SRRM3: variants seen among roughly 807,000 people sequenced by gnomAD.
SRRM3 encodes the protein serine/arginine repetitive matrix protein 3.
In SRRM3, 27 loss-of-function variants were observed where a neutral mutation model predicts 66.2. That is an observed-to-expected ratio of 0.41 (90% confidence interval 0.30 to 0.56). The LOEUF (loss-of-function observed/expected upper bound fraction) is 0.56. Among genes scored for constraint, SRRM3 ranks in the 20% least tolerant of loss-of-function variants. The probability of loss-of-function intolerance (pLI) is 0.32; values close to 1 mark genes in which losing one functional copy is unlikely to be tolerated. For missense variants in SRRM3, 918 were observed against 991.9 expected, an observed-to-expected ratio of 0.93 and a Z score of 1.00; for synonymous variants, 391 against 414.9, an observed-to-expected ratio of 0.94 and a Z score of 0.70.
chr7:76,229,979 TG>T (rs1800973873), intron 1 of SRRM3, among the ~76,000 whole-genome samples: 1 of 152,008 alleles, frequency 6.6e-6, no homozygotes, highest in South Asian at 2.1e-4. Context: ...CCTGACCTCA[TG>T]ATCTGCCCAC....
Position 76,253,787 on chromosome 7 carries a change from C to CAA in SRRM3, c.335+5520_335+5521dup, listed in dbSNP as rs782083114. Among the ~76,000 whole-genome samples, 33 of 64,686 alleles carry CAA rather than the reference C, an allele frequency of 5.1e-4. 1 individual carries two copies. The highest frequency in any genetic ancestry group is 6.8e-4 in the Non-Finnish European group (21 of 30,724). 42.4% of individuals were successfully genotyped at this position (64,686 alleles called of 152,430 possible). A position where few individuals can be genotyped will look rare whatever the true frequency, so the allele number is the denominator to read the frequency against. ...GGGCAACAAGAGTGAAACTCTGTTT[C>CAA]AAAAAAAAAAAAAAAAAAAAAAAGG... is the stretch of plus-strand genomic sequence containing the variant. On this transcript the variant is annotated intron_variant, in intron 3 of 14. Coordinates refer to ENST00000611745, the MANE Select transcript of SRRM3 (RefSeq NM_001110199.3).
chr7:76,234,174 G>GT (rs1554604511), intron 1 of SRRM3, among the ~76,000 whole-genome samples: 1 of 147,644 alleles, frequency 6.8e-6, no homozygotes, highest in Non-Finnish European at 1.5e-5. Flanking sequence ...CCTCCCCTCT[G>GT]TTAAGATAGA....
At chr7:76,281,155 CCT>C (rs1256994251) in intron 11 of SRRM3, among the ~76,000 whole-genome samples, 3 of 141,390 alleles carry the variant, frequency 2.1e-5, no homozygotes, top group African/African-American at 7.5e-5. Context: ...TCCCTCTCTC[CCT>C]CTTTCTTTCT....
intron 1 of SRRM3, among the ~76,000 whole-genome samples, chr7:76,232,684 T>C (rs1554604342): frequency 1.3e-5 from 2 of 150,656 alleles, no homozygotes; most frequent in Non-Finnish European, 3.0e-5. Flanking sequence ...GAATGAAGAG[T>C]ATCCCAGGAA....
chr7:76,220,620 G>A (rs1039419061), intron 1 of SRRM3, among the ~76,000 whole-genome samples: 1 of 152,210 alleles, frequency 6.6e-6, no homozygotes, highest in East Asian at 1.9e-4. Context: ...CAGGGAAAGG[G>A]TCAGCCCGAG....
rs368530693 is a variant in SRRM3, at chr7:76,205,188, T to TTC, written c.-40+3141_-40+3142dup. ...AGCGCCTCTGCAGGGCTTGCCTCCT[T>TTC]TCTCTCTCTCTCTCTCTCTCTTTTG... On this transcript the variant is annotated intron_variant, in intron 1 of 14. Transcript: ENST00000611745. Among the ~76,000 whole-genome samples the TTC allele has an allele frequency of 8.1e-3, 1,208 of 149,538 alleles. 7 individuals are homozygous for TTC. The highest frequency in any genetic ancestry group is 9.2e-3 in the Non-Finnish European group (620 of 67,032).
At chr7:76,206,490 T>G (rs1302811332) in intron 1 of SRRM3, among the ~76,000 whole-genome samples, 1 of 151,866 alleles carries the variant, frequency 6.6e-6, no homozygotes, top group Non-Finnish European at 1.5e-5. Context: ...AGGCCTTCAC[T>G]GTGGCTTAGC....
chr7:76,213,004 CTTTT>C (rs57266029), intron 1 of SRRM3, among the ~76,000 whole-genome samples: 3 of 67,866 alleles, frequency 4.4e-5, no homozygotes, highest in Non-Finnish European at 5.5e-5. Flanking sequence ...CACCCCATTC[CTTTT>C]TTTTTTTTTT....
rs1377994184 is a variant in SRRM3, at chr7:76,267,365, G to C, written c.938G>C (p.Arg313Pro). 1.4e-6 allele frequency: 2 copies of C among 1,476,490 alleles called. No individual in the cohort carries two copies. The highest frequency in any genetic ancestry group is 2.9e-5 in the Admixed American group (1 of 34,878). The allele number at this position is 1,476,490 out of a possible 1,614,324, so 91.5% of individuals were successfully genotyped here. ...SGGSGWGSPQ[R>P]NGGSGQRSGA... ...GGCAGCGGATGGGGGTCGCCCCAGCGGAACGGCGGCAGCGGGCAGCGGAGC... is the reference window on the plus strand; with the variant it reads ...GGCAGCGGATGGGGGTCGCCCCAGCCGAACGGCGGCAGCGGGCAGCGGAGC... Residue 313 changes from arginine to proline, a missense_variant, in exon 11 of 15, where the codon CGG becomes CCG. Arg to Pro is a moderately radical substitution (Grantham distance 103, BLOSUM62 -2). Transcript: ENST00000611745.
At chr7:76,265,845 TATATATATATA>T (rs1802004385) in intron 10 of SRRM3, among the ~76,000 whole-genome samples, 1 of 9,098 alleles carries the variant, frequency 1.1e-4, no homozygotes, top group Non-Finnish European at 1.6e-4. Context: ...TATATATATA[TATATATATATA>T]TATTTTTTTT....
chr7:76,207,158 C>T (rs1225555851), intron 1 of SRRM3, among the ~76,000 whole-genome samples: 1 of 152,100 alleles, frequency 6.6e-6, no homozygotes, highest in Non-Finnish European at 1.5e-5. Flanking sequence ...AAAAATTAGC[C>T]ATGTGTGGTG....
chr7:76,266,232 A>AATATATATAAATATTTATATACTTAAT lies in SRRM3; in HGVS notation c.830+785_830+786insCTTAATATATATATAAATATTTATATA. Among the ~76,000 whole-genome samples the AATATATATAAATATTTATATACTTAAT allele has an allele frequency of 2.7e-5, 2 of 74,992 alleles. 1 individual carries two copies. Among genetic ancestry groups the AATATATATAAATATTTATATACTTAAT allele is most frequent in the Admixed American group, 4.1e-4 (2 of 4,884 alleles). The allele number at this position is 74,992 out of a possible 152,430, so 49.2% of individuals were successfully genotyped here. The stretch of plus-strand genomic sequence containing the variant: ...AATATATATAAATATTTATATATTT[A>AATATATATAAATATTTATATACTTAAT]ATATATATAAATATTTATATATTTA... On this transcript the variant is annotated intron_variant, in intron 10 of 14. Coordinates refer to ENST00000611745, the MANE Select transcript of SRRM3 (RefSeq NM_001110199.3).
At chr7:76,229,320 C>G (rs1395152994) in intron 1 of SRRM3, among the ~76,000 whole-genome samples, 1 of 152,050 alleles carries the variant, frequency 6.6e-6, no homozygotes. Flanking sequence ...GATTATGTTC[C>G]AAATATAAAA....
chr7:76,220,465 G>A (rs1452425623), intron 1 of SRRM3, among the ~76,000 whole-genome samples: 10 of 152,176 alleles, frequency 6.6e-5, no homozygotes, highest in Admixed American at 5.9e-4. Context: ...CGTAGGACTG[G>A]GCACATTGCC....
intron 1 of SRRM3, among the ~76,000 whole-genome samples, chr7:76,227,249 T>G (rs115035442): frequency 0.062 from 9,492 of 152,040 alleles, 681 homozygotes; most frequent in African/African-American, 0.17. Context: ...TCCAAAGAAG[T>G]ACAGTGTCAA....
intron 2 of SRRM3, among the ~76,000 whole-genome samples, chr7:76,245,526 T>C (rs1283437053): frequency 6.6e-6 from 1 of 152,210 alleles, no homozygotes; most frequent in Admixed American, 6.5e-5. Flanking sequence ...CAATGTGAAA[T>C]AAGCACATCA....
chr7:76,260,227 G>C, intron 5 of SRRM3, 30 bp downstream of exon 5: 1 of 1,501,894 alleles, frequency 6.7e-7, no homozygotes, highest in Non-Finnish European at 8.9e-7. Flanking sequence ...GGAGCGGGAA[G>C]GGAGGAGGAG....
chr7:76,223,959 CT>C (rs532490849), intron 1 of SRRM3, among the ~76,000 whole-genome samples: 8 of 88,902 alleles, frequency 9.0e-5, no homozygotes, highest in South Asian at 5.0e-4. Flanking sequence ...TCCCTTCCCT[CT>C]TTTTTTTTTG....
intron 2 of SRRM3, among the ~76,000 whole-genome samples, chr7:76,240,392 G>A (rs1055598943): frequency 2.0e-5 from 3 of 151,952 alleles, no homozygotes; most frequent in Admixed American, 2.0e-4. Flanking sequence ...AGGCCGAGGC[G>A]AGCAGATCAC....
Sources: gnomAD v4.1 joint callset for allele counts (sites outside exome capture counted in the v4.1 genomes callset) on GRCh38, gnomAD v4.1.1 for gene constraint, MANE v1.5 for transcripts, NCBI Gene and HGNC (gene_info 2026-07-23, HGNC 2026-07-21) for gene names.